BANK1: variants seen among roughly 807,000 people sequenced by gnomAD.
The protein encoded by BANK1 is B cell scaffold protein with ankyrin repeats 1.
Under a neutral mutation model 94.5 loss-of-function variants are expected in BANK1, and 95 were observed. The observed-to-expected ratio is 1.00, with a 90% CI of 0.85 to 1.19. The LOEUF (loss-of-function observed/expected upper bound fraction) is 1.19. Among genes scored for constraint, BANK1 ranks in the 50% most tolerant of loss-of-function variants. BANK1 has a pLI of 0.00. For missense variants in BANK1, 987 were observed against 932.2 expected (o/e 1.06, Z -0.77); for synonymous variants, 334 against 308.4 (o/e 1.08, Z -0.87).
intron 7 of BANK1, among the ~76,000 whole-genome samples, chr4:101,979,620 T>C (rs1268701833): frequency 1.3e-5 from 2 of 151,892 alleles, no homozygotes; most frequent in African/African-American, 4.8e-5. Flanking sequence ...ACTATCTATG[T>C]CTATCTCTCT....
At chr4:101,822,052 T>G (rs1196578577) in intron 1 of BANK1, among the ~76,000 whole-genome samples, 2 of 151,866 alleles carry the variant, frequency 1.3e-5, no homozygotes, top group African/African-American at 4.8e-5. Context: ...TGATGTTGAA[T>G]TGGAGAAATG....
At chr4:101,921,892 A>G (rs1426298481) in intron 7 of BANK1, among the ~76,000 whole-genome samples, 7 of 151,906 alleles carry the variant, frequency 4.6e-5, no homozygotes, top group Admixed American at 4.6e-4. Context: ...CTGGCTTTTC[A>G]GAAGTACTCC....
intron 6 of BANK1, among the ~76,000 whole-genome samples, chr4:101,910,700 A>G (rs1722635384): frequency 6.6e-6 from 1 of 151,652 alleles, no homozygotes; most frequent in Non-Finnish European, 1.5e-5. Context: ...TCTCGAAAAA[A>G]AAAAAAAAAA....
intron 1 of BANK1, among the ~76,000 whole-genome samples, chr4:101,806,411 A>T (rs1455508459): frequency 6.6e-6 from 1 of 152,332 alleles, no homozygotes; most frequent in East Asian, 1.9e-4. Context: ...CATCCTCCAT[A>T]TAAGACGACT....
At chr4:101,877,100 A>C (rs1728518337) in intron 5 of BANK1, among the ~76,000 whole-genome samples, 1 of 152,108 alleles carries the variant, frequency 6.6e-6, no homozygotes, top group African/African-American at 2.4e-5. Flanking sequence ...GGCCTTAAGG[A>C]GGAGGTAAAG....
At position 101,809,558 on chromosome 4, in the gene BANK1, G is replaced by A. The variant is rs980990545; in HGVS notation, c.70+18608G>A. Among the ~76,000 whole-genome samples, 5 of 152,032 alleles carry A rather than the reference G, an allele frequency of 3.3e-5. No individual in the cohort carries two copies. In the East Asian group the frequency reaches 5.8e-4, roughly 18 times the overall value. On this transcript the variant is annotated intron_variant, in intron 1 of 16. Coordinates refer to ENST00000322953, the MANE Select transcript of BANK1 (RefSeq NM_017935.5). ...TATTATAAAATGCCAGTAATAAAGAGTACTTTAAAAATGGAAAGATAATAA... is the reference window on the plus strand; with the variant it reads ...TATTATAAAATGCCAGTAATAAAGAATACTTTAAAAATGGAAAGATAATAA...
intron 8 of BANK1, among the ~76,000 whole-genome samples, chr4:102,022,577 T>A (rs1158770601): frequency 1.3e-5 from 2 of 152,128 alleles, no homozygotes; most frequent in African/African-American, 4.8e-5. Context: ...GTTCTATTGT[T>A]ATGACTCAGG....
At chr4:101,897,574 C>T (rs890573255) in intron 6 of BANK1, among the ~76,000 whole-genome samples, 3 of 151,944 alleles carry the variant, frequency 2.0e-5, no homozygotes, top group Non-Finnish European at 4.4e-5. Flanking sequence ...TTTTAAGAAG[C>T]TTCCAGGTGA....
At chr4:101,807,095 C>A (rs1725579053) in intron 1 of BANK1, among the ~76,000 whole-genome samples, 1 of 152,172 alleles carries the variant, frequency 6.6e-6, no homozygotes. Flanking sequence ...TCCAGAAAAT[C>A]ACCAGTCATT....
At chr4:101,972,850 A>G (rs1189197584) in intron 7 of BANK1, 1 of 152,150 alleles carries the variant, frequency 6.6e-6, no homozygotes, top group African/African-American at 2.4e-5. Flanking sequence ...GATAATTACA[A>G]ACTTCCACTG....
chr4:101,842,289 A>T (rs1029381475), intron 2 of BANK1, among the ~76,000 whole-genome samples: 3 of 152,170 alleles, frequency 2.0e-5, no homozygotes, highest in African/African-American at 7.2e-5. Context: ...AGATTATATG[A>T]TTTCTCTTCC....
intron 6 of BANK1, among the ~76,000 whole-genome samples, chr4:101,907,886 C>A (rs1461912964): frequency 6.6e-6 from 1 of 152,188 alleles, no homozygotes; most frequent in Admixed American, 6.5e-5. Flanking sequence ...CTACAAACCA[C>A]TGCTCAATGA....
chr4:102,035,322 T>C (rs1727465771), intron 10 of BANK1, among the ~76,000 whole-genome samples: 1 of 152,140 alleles, frequency 6.6e-6, no homozygotes, highest in African/African-American at 2.4e-5. Flanking sequence ...CATCATCCCC[T>C]TACCCCAGAG....
chr4:101,828,543 T>C (rs1726469439), intron 1 of BANK1, among the ~76,000 whole-genome samples: 3 of 151,996 alleles, frequency 2.0e-5, no homozygotes, highest in Non-Finnish European at 2.9e-5. Context: ...GTTTTCTGCT[T>C]TGGAACTTTA....
intron 5 of BANK1, among the ~76,000 whole-genome samples, chr4:101,883,701 C>G (rs1238963288): frequency 2.6e-5 from 4 of 152,182 alleles, no homozygotes; most frequent in Non-Finnish European, 4.4e-5. Context: ...CTGGTTTTTA[C>G]TACCTGCTTT....
At chr4:101,881,773 G>A (rs1054723178) in intron 5 of BANK1, among the ~76,000 whole-genome samples, 1 of 152,106 alleles carries the variant, frequency 6.6e-6, no homozygotes, top group South Asian at 2.1e-4. Flanking sequence ...CAACAACATG[G>A]ATAGAACTGG....
At chr4:101,841,793 A>C (rs1727056103) in intron 2 of BANK1, among the ~76,000 whole-genome samples, 1 of 102,310 alleles carries the variant, frequency 9.8e-6, no homozygotes, top group Non-Finnish European at 1.8e-5. Context: ...ACCCCACAAC[A>C]GTCCCCAGAG....
intron 1 of BANK1, among the ~76,000 whole-genome samples, chr4:101,805,542 C>T (rs902663537): frequency 6.6e-6 from 1 of 151,454 alleles, no homozygotes; most frequent in East Asian, 1.9e-4. Context: ...CTGAATGCCA[C>T]ATGAACAGCC....
rs36202521 is a variant in BANK1, at chr4:101,947,284, AATATATATAT to A, written c.1206+29114_1206+29123del. ...GAGGGTTGTGTTTGAAGAAGTTGTA[AATATATATAT>A]ATATATATATATATATATGTATATG... is the stretch of plus-strand genomic sequence containing the variant. On this transcript the variant is annotated intron_variant, in intron 7 of 16. Coordinates refer to ENST00000322953, the MANE Select transcript of BANK1 (RefSeq NM_017935.5). 2.5e-3 allele frequency among the ~76,000 whole-genome samples: 143 copies of A among 58,266 alleles called. 7 individuals are homozygous for A. Among genetic ancestry groups the A allele is most frequent in the African/African-American group, 4.9e-3 (125 of 25,514 alleles). The allele number at this position is 58,266 out of a possible 152,430, so 38.2% of individuals were successfully genotyped here.
Sources: allele counts gnomAD v4.1 joint callset (sites outside exome capture counted in the v4.1 genomes callset), GRCh38; gene constraint gnomAD v4.1.1; transcripts MANE v1.5; gene names NCBI Gene and HGNC (gene_info 2026-07-23, HGNC 2026-07-21).